Variants in CNTN4 observed in about 807,000 individuals in gnomAD.
CNTN4 encodes the protein contactin 4, also known as contactin-4.
Under a neutral mutation model 122.5 loss-of-function variants are expected in CNTN4, and 77 were observed. The ratio of observed to expected loss-of-function variants is 0.63; its 90% confidence interval spans 0.52 to 0.76. The LOEUF is 0.76. Ranked by LOEUF, CNTN4 falls within the 30% of genes least tolerant of loss-of-function variation. The pLI, the probability that CNTN4 is intolerant of heterozygous loss-of-function variation, is 0.00. For synonymous variants in CNTN4, 512 were observed against 447.0 expected (o/e 1.15, Z -1.83); for missense variants, 1,256 against 1,259.1 (o/e 1.00, Z 0.04).
intron 3 of CNTN4, among the ~76,000 whole-genome samples, chr3:2,474,593 A>C (rs949817294): frequency 6.6e-6 from 1 of 152,234 alleles, no homozygotes; most frequent in Non-Finnish European, 1.5e-5. Flanking sequence ...TTGTAGTAGT[A>C]ATAATGATAA....
intron 13 of CNTN4, among the ~76,000 whole-genome samples, chr3:2,978,813 G>T (rs1013588282): frequency 1.3e-5 from 2 of 152,094 alleles, no homozygotes; most frequent in African/African-American, 4.8e-5. Context: ...TCCTGTGACA[G>T]CTCTGCCATC....
intron 2 of CNTN4, among the ~76,000 whole-genome samples, chr3:2,293,418 T>C (rs2042201229): frequency 6.6e-6 from 1 of 152,330 alleles, no homozygotes; most frequent in African/African-American, 2.4e-5. Flanking sequence ...GTTAGTATTA[T>C]TGAGAGGCAG....
At chr3:2,276,180 T>C (rs2041503082) in intron 2 of CNTN4, among the ~76,000 whole-genome samples, 1 of 151,980 alleles carries the variant, frequency 6.6e-6, no homozygotes, top group Non-Finnish European at 1.5e-5. Context: ...TTATTTTTAT[T>C]ATTTTTTTTT....
intron 14 of CNTN4, among the ~76,000 whole-genome samples, chr3:3,010,358 C>T (rs1480314023): frequency 6.6e-6 from 1 of 151,838 alleles, no homozygotes; most frequent in African/African-American, 2.4e-5. Flanking sequence ...TCCCCACTGC[C>T]AGTTTAGGAT....
chr3:2,773,564 ATGAGACTAGG>A (rs1452312547), intron 6 of CNTN4, among the ~76,000 whole-genome samples: 1 of 152,068 alleles, frequency 6.6e-6, no homozygotes, highest in Non-Finnish European at 1.5e-5. Context: ...CTAGAGGAAG[ATGAGACTAGG>A]TGTTCGGTTG....
intron 2 of CNTN4, among the ~76,000 whole-genome samples, chr3:2,121,043 T>G (rs2033744235): frequency 6.6e-6 from 1 of 152,098 alleles, no homozygotes; most frequent in African/African-American, 2.4e-5. Context: ...AAGTCTAGAC[T>G]CATTGACTTT....
intron 4 of CNTN4, among the ~76,000 whole-genome samples, chr3:2,675,386 G>T (rs2084787234): frequency 6.6e-6 from 1 of 152,108 alleles, no homozygotes; most frequent in Admixed American, 6.5e-5. Flanking sequence ...TCACATATAA[G>T]TTCTCACCTA....
At chr3:2,422,911 C>G (rs895475462) in intron 3 of CNTN4, among the ~76,000 whole-genome samples, 20 of 152,190 alleles carry the variant, frequency 1.3e-4, no homozygotes, top group African/African-American at 4.3e-4. Context: ...ATTTCTTTTA[C>G]TCCTGTTTGC....
At chr3:3,020,521 T>A (rs750148455) in intron 14 of CNTN4, among the ~76,000 whole-genome samples, 2 of 152,172 alleles carry the variant, frequency 1.3e-5, no homozygotes, top group Non-Finnish European at 2.9e-5. Context: ...TTCAAGACAG[T>A]AGGCTTTTTC....
At chr3:2,581,581 G>C (rs538897828) in intron 4 of CNTN4, among the ~76,000 whole-genome samples, 1 of 152,258 alleles carries the variant, frequency 6.6e-6, no homozygotes, top group South Asian at 2.1e-4. Context: ...CTTCATAGAG[G>C]AGAGAATGTC....
chr3:2,363,306 T>A (rs1452470383), intron 3 of CNTN4, among the ~76,000 whole-genome samples: 3 of 152,236 alleles, frequency 2.0e-5, no homozygotes, highest in Admixed American at 2.0e-4. Flanking sequence ...AGGCTAAGCC[T>A]GTCACCTCTC....
intron 6 of CNTN4, among the ~76,000 whole-genome samples, chr3:2,813,045 C>T (rs1281349761): frequency 2.0e-5 from 3 of 152,030 alleles, no homozygotes; most frequent in African/African-American, 4.8e-5. Context: ...TTGTAAATTT[C>T]GATTTATTTT....
intron 4 of CNTN4, among the ~76,000 whole-genome samples, chr3:2,710,556 G>C (rs1180515296): frequency 1.3e-5 from 2 of 152,120 alleles, no homozygotes; most frequent in Non-Finnish European, 2.9e-5. Flanking sequence ...TAAAAGACAA[G>C]TGTTAAAAGG....
chr3:3,033,545 G>T (rs1259955087), intron 16 of CNTN4, among the ~76,000 whole-genome samples: 1 of 152,156 alleles, frequency 6.6e-6, no homozygotes, highest in African/African-American at 2.4e-5. Flanking sequence ...TGGCCTGATA[G>T]TATTTGGGTA....
At chr3:2,762,416 G>A (rs9683225) in intron 6 of CNTN4, among the ~76,000 whole-genome samples, 67,799 of 151,842 alleles carry the variant, frequency 0.45, 16,588 homozygotes, top group Non-Finnish European at 0.57. Context: ...TCTATGTGTC[G>A]ATGTGTTCTC....
intron 6 of CNTN4, among the ~76,000 whole-genome samples, chr3:2,791,164 A>G (rs1397097303): frequency 2.6e-5 from 4 of 152,206 alleles, no homozygotes; most frequent in Non-Finnish European, 5.9e-5. Flanking sequence ...TCACAAGATT[A>G]CTGTAAGGAA....
At chr3:2,276,471 G>C (rs111872895) in intron 2 of CNTN4, among the ~76,000 whole-genome samples, 12 of 152,120 alleles carry the variant, frequency 7.9e-5, no homozygotes, top group African/African-American at 2.9e-4. Context: ...ACTGCGGCAG[G>C]CTTCTTTGCT....
At chr3:2,279,888 C>T (rs2041653102) in intron 2 of CNTN4, among the ~76,000 whole-genome samples, 1 of 150,202 alleles carries the variant, frequency 6.7e-6, no homozygotes, top group Non-Finnish European at 1.5e-5. Flanking sequence ...ATATATATTC[C>T]TTTATATATC....
rs138936543 is a variant in CNTN4, at chr3:3,037,217, G to A, written c.1981G>A (p.Val661Met). 7.4e-6 allele frequency: 12 copies of A among 1,614,056 alleles called. No homozygotes were observed. Among genetic ancestry groups the A allele is most frequent in the African/African-American group, 4.0e-5 (3 of 74,900 alleles). ...LIDGKTFTAT[V>M]VGLNPWVEYE... ...TGATGGGAAGACATTCACAGCGACC[G>A]TGGTGGGTTTGAACCCTTGGGTTGA... The change falls in exon 18 of 25, where the codon GTG (valine) becomes ATG (methionine). Residue 661 changes from valine (V) to methionine (M), a missense_variant. Physicochemically the swap from Val to Met is conservative, Grantham distance 21. Coordinates refer to ENST00000418658, the MANE Select transcript of CNTN4 (RefSeq NM_175607.3).
Sources: allele counts gnomAD v4.1 joint callset (sites outside exome capture counted in the v4.1 genomes callset), GRCh38; gene constraint gnomAD v4.1.1; transcripts MANE v1.5; gene names NCBI Gene and HGNC (gene_info 2026-07-23, HGNC 2026-07-21).